The following DHRSX variants were observed in gnomAD, a reference collection of about 807,000 sequenced individuals.
The protein encoded by DHRSX is dehydrogenase/reductase X-linked.
Under a neutral mutation model 34.0 loss-of-function variants are expected in DHRSX, and 31 were observed. The observed-to-expected ratio is 0.91, with a 90% CI of 0.69 to 1.23. The LOEUF (loss-of-function observed/expected upper bound fraction) is 1.23, where lower values mean the gene tolerates loss of function less well. Among genes scored for constraint, DHRSX ranks in the 50% most tolerant of loss-of-function variants. DHRSX has a pLI of 0.00. For missense variants in DHRSX, 414 were observed against 428.1 expected, an observed-to-expected ratio of 0.97 and a Z score of 0.29; for synonymous variants, 201 against 183.8, an observed-to-expected ratio of 1.09 and a Z score of -0.76.
intron 3 of DHRSX, among the ~76,000 whole-genome samples, chrX:2,347,463 A>G (rs62583734): frequency 0.83 from 126,543 of 152,148 alleles, 53,728 homozygotes; most frequent in African/African-American, 0.95. Flanking sequence ...GGAGGCCAAC[A>G]CAGGTGGATC....
intron 5 of DHRSX, among the ~76,000 whole-genome samples, chrX:2,249,513 CTTTT>C (rs753035485): frequency 9.1e-4 from 64 of 70,180 alleles, no homozygotes; most frequent in African/African-American, 2.1e-3. Flanking sequence ...CTTTTTGTGC[CTTTT>C]TTTTTTTTTT....
chrX:2,336,216 C>T (rs1304333336), intron 3 of DHRSX, among the ~76,000 whole-genome samples: 2 of 151,546 alleles, frequency 1.3e-5, no homozygotes, highest in Non-Finnish European at 2.9e-5. Flanking sequence ...CACCCTGTTG[C>T]CCAGGATGGT....
chrX:2,432,808 A>T (rs1299105543), intron 1 of DHRSX, among the ~76,000 whole-genome samples: 1 of 152,164 alleles, frequency 6.6e-6, no homozygotes, highest in Non-Finnish European at 1.5e-5. Flanking sequence ...GGTTAGATAG[A>T]TTTCACTATT....
At chrX:2,351,880 C>T (rs1319256589) in intron 3 of DHRSX, among the ~76,000 whole-genome samples, 1 of 152,144 alleles carries the variant, frequency 6.6e-6, no homozygotes, top group Non-Finnish European at 1.5e-5. Context: ...ACACTACACC[C>T]GGCTAATTTT....
chrX:2,298,845 T>C (rs1159938225), intron 3 of DHRSX, among the ~76,000 whole-genome samples: 1 of 151,720 alleles, frequency 6.6e-6, no homozygotes, highest in East Asian at 1.9e-4. Flanking sequence ...ATTAGCCGGG[T>C]GTGGTGGCAC....
intron 3 of DHRSX, among the ~76,000 whole-genome samples, chrX:2,387,976 G>T (rs184808869): frequency 6.6e-6 from 1 of 151,656 alleles, no homozygotes; most frequent in Non-Finnish European, 1.5e-5. Context: ...GTGCCAGGGA[G>T]GCATGGGGTA....
intron 6 of DHRSX, among the ~76,000 whole-genome samples, chrX:2,237,217 C>T (rs1378774013): frequency 2.0e-5 from 3 of 152,034 alleles, no homozygotes; most frequent in African/African-American, 7.2e-5. Context: ...ATTCCCAGTA[C>T]CTGCATCCTT....
At chrX:2,239,738 C>T (rs1602778654) in intron 6 of DHRSX, among the ~76,000 whole-genome samples, 3 of 152,094 alleles carry the variant, frequency 2.0e-5, no homozygotes, top group South Asian at 2.1e-4. Flanking sequence ...CAACGCACTC[C>T]AGCCTGGGCA....
intron 1 of DHRSX, among the ~76,000 whole-genome samples, chrX:2,468,376 C>T (rs2044529783): frequency 6.6e-6 from 1 of 152,132 alleles, no homozygotes; most frequent in South Asian, 2.1e-4. Flanking sequence ...AGGCTGGCTG[C>T]GTCTCTCACT....
At chrX:2,372,045 G>T (rs1390297500) in intron 3 of DHRSX, among the ~76,000 whole-genome samples, 2 of 152,064 alleles carry the variant, frequency 1.3e-5, no homozygotes, top group African/African-American at 4.8e-5. Context: ...TAATTTTCGC[G>T]CATCACACGT....
chrX:2,330,169 T>G (rs67270553), intron 3 of DHRSX, among the ~76,000 whole-genome samples: 1 of 120,744 alleles, frequency 8.3e-6, no homozygotes, highest in African/African-American at 3.3e-5. Flanking sequence ...GAGGAGGAGG[T>G]GAAAGAGGAG....
intron 3 of DHRSX, among the ~76,000 whole-genome samples, chrX:2,356,485 AAAAGAAC>A (rs1184998671): frequency 6.6e-6 from 1 of 152,194 alleles, no homozygotes; most frequent in African/African-American, 2.4e-5. Flanking sequence ...GTGATTGGAG[AAAAGAAC>A]ATGAAAGAGA....
chrX:2,265,569 G>A (rs1308084257), intron 5 of DHRSX, among the ~76,000 whole-genome samples: 4 of 133,110 alleles, frequency 3.0e-5, no homozygotes, highest in Admixed American at 7.5e-5. Context: ...CTCAGCAGAT[G>A]CAGGGAGCAC....
intron 1 of DHRSX, among the ~76,000 whole-genome samples, chrX:2,453,497 C>T (rs1387561068): frequency 1.3e-5 from 2 of 151,946 alleles, no homozygotes; most frequent in Admixed American, 1.3e-4. Context: ...CATAGCAAGA[C>T]ACCATCTCTA....
chrX:2,415,458 C>A (rs1303412704), intron 2 of DHRSX, among the ~76,000 whole-genome samples: 30 of 152,006 alleles, frequency 2.0e-4, no homozygotes, highest in Non-Finnish European at 3.7e-4. Flanking sequence ...CCAACTACAT[C>A]ACATCATGAC....
chrX:2,386,112 T>C (rs1407662170), intron 3 of DHRSX, among the ~76,000 whole-genome samples: 3 of 152,084 alleles, frequency 2.0e-5, no homozygotes, highest in African/African-American at 7.2e-5. Context: ...AGATTCTTGA[T>C]CTAGATTGTC....
At chrX:2,276,413 C>T (rs987325155) in intron 4 of DHRSX, among the ~76,000 whole-genome samples, 3 of 152,224 alleles carry the variant, frequency 2.0e-5, no homozygotes, top group East Asian at 3.9e-4. Flanking sequence ...CATTGATCTG[C>T]GAATCGAAAG....
chrX:2,351,068 CG>C (rs2042783415), intron 3 of DHRSX, among the ~76,000 whole-genome samples: 1 of 151,840 alleles, frequency 6.6e-6, no homozygotes, highest in African/African-American at 2.4e-5. Flanking sequence ...CATCACACAC[CG>C]GGGCCTGTCA....
chrX:2,270,130 T>C (rs2041530164), intron 4 of DHRSX, among the ~76,000 whole-genome samples: 1 of 152,196 alleles, frequency 6.6e-6, no homozygotes, highest in Non-Finnish European at 1.5e-5. Flanking sequence ...AATATCTGTA[T>C]GTTATTTGTG....
Sources: allele counts gnomAD v4.1 joint callset (sites outside exome capture counted in the v4.1 genomes callset), GRCh38; gene constraint gnomAD v4.1.1; transcripts MANE v1.5; gene names NCBI Gene and HGNC (gene_info 2026-07-23, HGNC 2026-07-21).